CASQ2: variants seen among roughly 807,000 people sequenced by gnomAD.
CASQ2 encodes the protein calsequestrin-2.
In CASQ2, 49 loss-of-function variants were observed where a neutral mutation model predicts 46.5. That is an observed-to-expected ratio of 1.05 (90% confidence interval 0.84 to 1.34). CASQ2 has a LOEUF of 1.34. Among genes scored for constraint, CASQ2 ranks in the 40% most tolerant of loss-of-function variants. CASQ2 has a pLI of 0.00. For synonymous variants in CASQ2, 174 were observed against 168.5 expected (o/e 1.03, Z -0.25); for missense variants, 486 against 481.3 (o/e 1.01, Z -0.09).
chr1:115,768,432 A>G lies in CASQ2; in HGVS notation c.110T>C (p.Leu37Pro). The G allele has an allele frequency of 6.2e-7, 1 of 1,613,508 alleles. No homozygotes were observed. Among genetic ancestry groups the G allele is most frequent in the Non-Finnish European group, 8.5e-7 (1 of 1,179,414 alleles). The part of the protein sequence containing the change: ...TYDGKDRVVS[L>P]SEKNFKQVLK... ...AACCTGCTTGAAGTTCTTCTCGGAA[A>G]GACTTACCACTCGGTCCTTCCCATC... Residue 37 changes from leucine (L) to proline (P), a missense_variant, in exon 1 of 11, where the codon CTT (leucine) becomes CCT (proline). By Grantham distance (98) the Leu-to-Pro change is moderately conservative. Transcript: ENST00000261448.
chr1:115,712,255 G>C (rs1482237516), intron 8 of CASQ2, among the ~76,000 whole-genome samples: 1 of 152,172 alleles, frequency 6.6e-6, no homozygotes, highest in Non-Finnish European at 1.5e-5. Flanking sequence ...CATTGTCTGG[G>C]CCCCACAGCT....
At chr1:115,765,278 G>T (rs1649093150) in intron 1 of CASQ2, among the ~76,000 whole-genome samples, 1 of 152,206 alleles carries the variant, frequency 6.6e-6, no homozygotes, top group South Asian at 2.1e-4. Context: ...GCAGATGCAT[G>T]ACTAATTGAA....
chr1:115,758,887 A>G (rs1648847365), intron 1 of CASQ2, among the ~76,000 whole-genome samples: 1 of 152,240 alleles, frequency 6.6e-6, no homozygotes, highest in African/African-American at 2.4e-5. Context: ...TTTATTCTTT[A>G]TAAATTACCT....
At chr1:115,746,436 A>T (rs1330838807) in intron 1 of CASQ2, among the ~76,000 whole-genome samples, 1 of 152,184 alleles carries the variant, frequency 6.6e-6, no homozygotes, top group East Asian at 1.9e-4. Flanking sequence ...GTATTGTCTT[A>T]CCTTCCCATG....
At chr1:115,764,064 T>C (rs147077920) in intron 1 of CASQ2, among the ~76,000 whole-genome samples, 7 of 150,838 alleles carry the variant, frequency 4.6e-5, no homozygotes, top group East Asian at 2.0e-4. Flanking sequence ...GACACCCCAA[T>C]AGAAAAATGA....
intron 4 of CASQ2, among the ~76,000 whole-genome samples, chr1:115,734,756 CCT>C (rs1256316986): frequency 1.3e-5 from 2 of 152,198 alleles, no homozygotes; most frequent in African/African-American, 2.4e-5. Context: ...CTTTCTTCCC[CCT>C]CTCTCAGGGT....
chr1:115,724,768 A>C (rs1354193318), intron 7 of CASQ2, among the ~76,000 whole-genome samples: 1 of 152,178 alleles, frequency 6.6e-6, no homozygotes, highest in Non-Finnish European at 1.5e-5. Context: ...TCCTTATAAA[A>C]AGTCCCAATT....
At chr1:115,735,240 A>C (rs1262984130) in intron 4 of CASQ2, among the ~76,000 whole-genome samples, 2 of 152,210 alleles carry the variant, frequency 1.3e-5, no homozygotes, top group East Asian at 3.8e-4. Flanking sequence ...TAACATTCAA[A>C]CCTGTATAAC....
chr1:115,709,877 C>G (rs1204238822), intron 8 of CASQ2, among the ~76,000 whole-genome samples: 1 of 152,168 alleles, frequency 6.6e-6, no homozygotes, highest in Non-Finnish European at 1.5e-5. Context: ...GAGTCTTGCT[C>G]TGTTCCCCAG....
intron 5 of CASQ2, among the ~76,000 whole-genome samples, chr1:115,728,010 T>C (rs1300124861): frequency 6.6e-6 from 1 of 152,216 alleles, no homozygotes; most frequent in African/African-American, 2.4e-5. Context: ...TGCAACGCTC[T>C]ATAGAAAACC....
rs190272645 is a variant in CASQ2, at chr1:115,737,109, A to G, written c.532+1115T>C. On this transcript the variant is annotated intron_variant, in intron 4 of 10. Coordinates refer to ENST00000261448, the MANE Select transcript of CASQ2 (RefSeq NM_001232.4). The stretch of plus-strand genomic sequence containing the variant: ...ACAGACGAACTGAAAAGGAAGGGGA[A>G]GGAGAAGCACCCCAGAGTAGTCAGC... 1.8e-4 allele frequency among the ~76,000 whole-genome samples: 28 copies of G among 152,324 alleles called. No individual in the cohort carries two copies. In the East Asian group the frequency reaches 4.8e-3, roughly 26 times the overall value.
intron 2 of CASQ2, among the ~76,000 whole-genome samples, 186 bp downstream of exon 2, chr1:115,744,642 C>A (rs1048560311): frequency 1.3e-5 from 2 of 152,106 alleles, no homozygotes; most frequent in Non-Finnish European, 2.9e-5. Flanking sequence ...AATGTGAAAC[C>A]ATTCAATTCA....
chr1:115,716,031 A>C (rs1369529087), intron 8 of CASQ2, among the ~76,000 whole-genome samples: 2 of 152,224 alleles, frequency 1.3e-5, no homozygotes, highest in African/African-American at 4.8e-5. Flanking sequence ...GTCTAGTGGA[A>C]CCATCTCTAG....
intron 7 of CASQ2, among the ~76,000 whole-genome samples, chr1:115,724,771 T>A (rs77822159): frequency 0.018 from 2,771 of 152,200 alleles, 107 homozygotes; most frequent in African/African-American, 0.063. Flanking sequence ...TTATAAAAAG[T>A]CCCAATTTTA....
chr1:115,708,804 G>C (rs1163501561), intron 8 of CASQ2, among the ~76,000 whole-genome samples: 1 of 152,212 alleles, frequency 6.6e-6, no homozygotes, highest in Non-Finnish European at 1.5e-5. Context: ...GGCACTGGGA[G>C]TGGGGTAGAG....
intron 1 of CASQ2, among the ~76,000 whole-genome samples, chr1:115,747,030 G>A (rs1648415007): frequency 6.6e-6 from 1 of 151,986 alleles, no homozygotes; most frequent in African/African-American, 2.4e-5. Flanking sequence ...TTCATGGATT[G>A]TACTTTTGAT....
chr1:115,753,144 G>A (rs943527560), intron 1 of CASQ2, among the ~76,000 whole-genome samples: 1 of 152,192 alleles, frequency 6.6e-6, no homozygotes, highest in Non-Finnish European at 1.5e-5. Flanking sequence ...TCACAGTCAC[G>A]GCAGTCCAGC....
At chr1:115,732,752 A>G (rs1232474407) in intron 5 of CASQ2, 149 bp downstream of exon 5, 3 of 672,830 alleles carry the variant, frequency 4.5e-6, no homozygotes, top group Non-Finnish European at 8.2e-6. Context: ...TCCAATAGTG[A>G]TTTAGTGATA....
In CASQ2 at chr1:115,701,239, G is replaced by T. The variant is rs775730256; in HGVS notation, c.*2C>A. The T allele has an allele frequency of 3.1e-6, 5 of 1,613,360 alleles. No homozygotes were observed. The highest frequency in any genetic ancestry group is 3.4e-6 in the Non-Finnish European group (4 of 1,179,648). ...TTTTCATCAGAATTGTTTGGAGTTGGGCTATTCATCATCATCGTCATCACT... is the reference window on the plus strand; with the variant it reads ...TTTTCATCAGAATTGTTTGGAGTTGTGCTATTCATCATCATCGTCATCACT... On this transcript the variant is annotated 3_prime_UTR_variant, in exon 11 of 11. Coordinates refer to ENST00000261448, the MANE Select transcript of CASQ2 (RefSeq NM_001232.4).
Sources: allele counts gnomAD v4.1 joint callset (sites outside exome capture counted in the v4.1 genomes callset), GRCh38; gene constraint gnomAD v4.1.1; transcripts MANE v1.5; gene names NCBI Gene and HGNC (gene_info 2026-07-23, HGNC 2026-07-21).